CLEC4G: variants seen among roughly 807,000 people sequenced by gnomAD.
CLEC4G encodes C-type lectin superfamily 4, member G.
CLEC4G carries 34 observed loss-of-function variants against 37.0 expected under a neutral mutation model. The ratio of observed to expected loss-of-function variants is 0.92; its 90% CI spans 0.70 to 1.22. CLEC4G has a LOEUF of 1.22. Among genes scored for constraint, CLEC4G ranks in the 50% most tolerant of loss-of-function variants. CLEC4G has a pLI of 0.00. For missense variants in CLEC4G, 390 were observed against 392.9 expected, an observed-to-expected ratio of 0.99 and a Z score of 0.06; for synonymous variants, 167 against 165.6, an observed-to-expected ratio of 1.01 and a Z score of -0.06.
rs760415857 is a variant in CLEC4G at position 7,730,154 on chromosome 19, C to T, written c.492G>A (p.Pro164=). The T allele has an allele frequency of 1.2e-5, 19 of 1,612,416 alleles. 1 individual carries two copies. In the South Asian group the frequency reaches 1.5e-4, roughly 13 times the overall value. ...CGAAGGACAGCCACGACGTGGGGCA[C>T]GGCTCGCAGGAGTCTGCGGGGTGGC... is the stretch of plus-strand genomic sequence containing the variant. ...AVRLQNNSCE[P]CPTSWLSFEG... Residue 164 remains proline, a synonymous_variant, in exon 7 of 9, where the codon CCG becomes CCA. Coordinates refer to ENST00000328853, the MANE Select transcript of CLEC4G (RefSeq NM_198492.4). This position sits in a 1 kb window ranked among gnomAD's most constrained non-coding sequence, Gnocchi z 7.3.
At position 7,731,645 on chromosome 19, in the gene CLEC4G, A is replaced by G; in HGVS notation, c.166+16T>C. Reference sequence around the variant, plus strand: ...GGGGGGCCGGATGCAACACCTCCCCATTGAGAGTCACTCACCCTTGGACAA... The same window carrying G: ...GGGGGGCCGGATGCAACACCTCCCCGTTGAGAGTCACTCACCCTTGGACAA... On this transcript the variant is annotated intron_variant, in intron 2 of 8. Coordinates refer to ENST00000328853, the MANE Select transcript of CLEC4G (RefSeq NM_198492.4). 1 of 1,612,784 alleles carries G rather than the reference A, an allele frequency of 6.2e-7. No individual in the cohort carries two copies. Among genetic ancestry groups the G allele is most frequent in the Non-Finnish European group, 8.5e-7 (1 of 1,179,348 alleles).
rs752661320 is a variant in CLEC4G, at chr19:7,731,249, C to A, written c.220+17G>T. The A allele has an allele frequency of 8.8e-6, 14 of 1,584,086 alleles. No homozygotes were observed. Among genetic ancestry groups the A allele is most frequent in the Non-Finnish European group, 1.1e-5 (13 of 1,167,326 alleles). Reference sequence around the variant, plus strand: ...CCCTCACGCCCCGGGGGCCCAGGCGCCCGGCTCTGCACACACCGTTTGTCC... The same window carrying A: ...CCCTCACGCCCCGGGGGCCCAGGCGACCGGCTCTGCACACACCGTTTGTCC... On this transcript the variant is annotated intron_variant, in intron 3 of 8. Transcript: ENST00000328853.
At position 7,729,144 on chromosome 19, in the gene CLEC4G, T is replaced by C; in HGVS notation, c.*222A>G. ...GATTTTGGAGCTAGTGGAGGTTAGGTTGGGTCTGCGTGAGTGGAGTTAGGA... is the reference window on the plus strand; with the variant it reads ...GATTTTGGAGCTAGTGGAGGTTAGGCTGGGTCTGCGTGAGTGGAGTTAGGA... On this transcript the variant is annotated 3_prime_UTR_variant, in exon 9 of 9. Coordinates refer to ENST00000328853, the MANE Select transcript of CLEC4G (RefSeq NM_198492.4). The C allele has an allele frequency of 1.5e-6, 1 of 668,028 alleles. No individual in the cohort carries two copies. Among genetic ancestry groups the C allele is most frequent in the Non-Finnish European group, 2.8e-6 (1 of 361,890 alleles). The allele number at this position is 668,028 out of a possible 1,614,324, so 41.4% of individuals were successfully genotyped here.
chr19:7,730,849 C>A lies in CLEC4G; in HGVS notation c.294G>T (p.Thr98=). The A allele has an allele frequency of 6.5e-7, 1 of 1,529,836 alleles. No homozygotes were observed. The highest frequency in any genetic ancestry group is 1.2e-5 in the South Asian group (1 of 83,566). 94.8% of individuals were successfully genotyped at this position (1,529,836 alleles called of 1,614,324 possible). A position where few individuals can be genotyped will look rare whatever the true frequency, so the allele number is the denominator to read the frequency against. ...VGDCHSCCSG[T]QAQLQTTRAE... is the part of the protein sequence containing the mutation. The stretch of plus-strand genomic sequence containing the variant: ...CGCGCGTGGTCTGCAGCTGCGCCTG[C>A]GTCCCCGAGCCTGGGAGCCGCAGGG... The change falls in exon 5 of 9, where the codon ACG becomes ACT. Residue 98 remains threonine, a synonymous_variant. Coordinates refer to ENST00000328853, the MANE Select transcript of CLEC4G (RefSeq NM_198492.4). This position sits in a 1 kb window ranked among gnomAD's most constrained non-coding sequence, Gnocchi z 7.3.
chr19:7,731,597 G>A, intron 2 of CLEC4G, 64 bp downstream of exon 2: 1 of 1,583,126 alleles, frequency 6.3e-7, no homozygotes, highest in Non-Finnish European at 8.6e-7. Context: ...GGTGCGCCAT[G>A]CAGTGGGGGT....
Position 7,729,016 on chromosome 19 carries a change from A to G in CLEC4G, c.*350T>C. 1 of 391,928 alleles carries G rather than the reference A, an allele frequency of 2.6e-6. No individual in the cohort carries two copies. The highest frequency in any genetic ancestry group is 4.9e-6 in the Non-Finnish European group (1 of 202,982). 24.3% of individuals were successfully genotyped at this position (391,928 alleles called of 1,614,324 possible). On this transcript the variant is annotated 3_prime_UTR_variant, in exon 9 of 9. Transcript: ENST00000328853. ...TCCTCAGGCTGCAAAAACAGCTTCC[A>G]GTTTGGTGGAAAATGCGAGAAAACC... is the stretch of plus-strand genomic sequence containing the variant.
In CLEC4G at chr19:7,729,566, C is replaced by T. The variant is rs569901604; in HGVS notation, c.744-62G>A. 53 of 1,352,714 alleles carry T rather than the reference C, an allele frequency of 3.9e-5. 1 individual carries two copies. The South Asian group carries it at 6.3e-4, about 16-fold the overall frequency. The allele number at this position is 1,352,714 out of a possible 1,614,324, so 83.8% of individuals were successfully genotyped here. A position where few individuals can be genotyped will look rare whatever the true frequency, so the allele number is the denominator to read the frequency against. On this transcript the variant is annotated intron_variant, in intron 8 of 8. Coordinates refer to ENST00000328853, the MANE Select transcript of CLEC4G (RefSeq NM_198492.4). Reference sequence around the variant, plus strand: ...TAGACAGAGGATGAACTCGGGGTCCCGCCTTCCTCTTCAGGCTCTAGCCTG... The same window carrying T: ...TAGACAGAGGATGAACTCGGGGTCCTGCCTTCCTCTTCAGGCTCTAGCCTG...
chr19:7,731,951 C>T, intron 1 of CLEC4G, 97 bp downstream of exon 1: 1 of 1,457,454 alleles, frequency 6.9e-7, no homozygotes, highest in Non-Finnish European at 9.6e-7. Context: ...GGTGTCTCTC[C>T]TGCACCCACA....
rs1306333249 is a variant in CLEC4G, at chr19:7,729,090, G to A, written c.*276C>T. The A allele has an allele frequency of 3.5e-6, 2 of 574,428 alleles. No homozygotes were observed. The highest frequency in any genetic ancestry group is 6.6e-6 in the Non-Finnish European group (2 of 302,478). The allele number at this position is 574,428 out of a possible 1,614,324, so 35.6% of individuals were successfully genotyped here. A position where few individuals can be genotyped will look rare whatever the true frequency, so the allele number is the denominator to read the frequency against. On this transcript the variant is annotated 3_prime_UTR_variant, in exon 9 of 9. Transcript: ENST00000328853. ...CTAACCTTGGTTAGGGAGAGAAGTG[G>A]AGGCATATCACGGGGACGCAGGAGC...
Position 7,729,436 on chromosome 19 carries a change from C to G in CLEC4G, c.812G>C (p.Gly271Ala). ...RENCVMMLHT[G>A]LWNDAPCDSE... ...GTCACACGGTGCGTCGTTCCACAGC[C>G]CCGTGTGCAGCATCATGACACAGTT... Residue 271 changes from glycine (G) to alanine (A), a missense_variant, in exon 9 of 9, where the codon GGG becomes GCG. Gly to Ala is a moderately conservative substitution (Grantham distance 60). Transcript: ENST00000328853. The G allele has an allele frequency of 6.2e-7, 1 of 1,600,734 alleles. No individual in the cohort carries two copies. The highest frequency in any genetic ancestry group is 8.6e-7 in the Non-Finnish European group (1 of 1,167,942).
Position 7,730,151 on chromosome 19 carries a change from G to A in CLEC4G, c.495C>T (p.Cys165=). ...CCTCGAAGGACAGCCACGACGTGGG[G>A]CACGGCTCGCAGGAGTCTGCGGGGT... ...VRLQNNSCEP[C]PTSWLSFEGS... The change falls in exon 7 of 9, where the codon TGC becomes TGT. Residue 165 remains cysteine (C), a synonymous_variant. Coordinates refer to ENST00000328853, the MANE Select transcript of CLEC4G (RefSeq NM_198492.4). This position sits in a 1 kb window ranked among gnomAD's most constrained non-coding sequence, Gnocchi z 7.3. The A allele has an allele frequency of 6.2e-7, 1 of 1,612,522 alleles. No homozygotes were observed. Among genetic ancestry groups the A allele is most frequent in the Non-Finnish European group, 8.5e-7 (1 of 1,179,562 alleles).
In CLEC4G at chr19:7,730,156, G is replaced by T; in HGVS notation, c.490C>A (p.Pro164Thr). The change falls in exon 7 of 9, where the codon CCG becomes ACG. Residue 164 changes from proline (P) to threonine (T), a missense_variant. Transcript: ENST00000328853. This position sits in a 1 kb window ranked among gnomAD's most constrained non-coding sequence, Gnocchi z 7.3. ...AVRLQNNSCE[P>T]CPTSWLSFEG... The stretch of plus-strand genomic sequence containing the variant: ...AAGGACAGCCACGACGTGGGGCACG[G>T]CTCGCAGGAGTCTGCGGGGTGGCGA... 1 of 1,612,258 alleles carries T rather than the reference G, an allele frequency of 6.2e-7. No homozygotes were observed. The highest frequency in any genetic ancestry group is 2.2e-5 in the East Asian group (1 of 44,814).
rs982002488 is a variant in CLEC4G at position 7,731,711 on chromosome 19, A to C, written c.116T>G (p.Leu39Arg). ...CACAGCCCAAAGGACTGTGGTGACC[A>C]GGACAGCCAGGGCCAAGAAGAGGGG... ...RRPLFLALAV[L>R]VTTVLWAVIL... Residue 39 changes from leucine (L) to arginine (R), a missense_variant, in exon 2 of 9, where the codon CTG becomes CGG. Physicochemically the swap from Leu to Arg is moderately radical, Grantham distance 102 (BLOSUM62 -2). Transcript: ENST00000328853. 6.2e-7 allele frequency: 1 copy of C among 1,613,996 alleles called. No homozygotes were observed. The highest frequency in any genetic ancestry group is 8.5e-7 in the Non-Finnish European group (1 of 1,179,996).
chr19:7,729,588 C>T, intron 8 of CLEC4G, 84 bp from the exon 9 acceptor site: 7 of 1,244,084 alleles, frequency 5.6e-6, no homozygotes, highest in Non-Finnish European at 7.9e-6. Context: ...CAGGCTCTAG[C>T]CTGTTTATTG....
rs2033412802 is a variant in CLEC4G at position 7,730,505 on chromosome 19, TA to T, written c.389-66del. ...GGCCAGGACCAGGGTCATGACTAGC[TA>T]AAGGTCAGGACCCCTGTCTGTGGTC... On this transcript the variant is annotated intron_variant, in intron 5 of 8. Coordinates refer to ENST00000328853, the MANE Select transcript of CLEC4G (RefSeq NM_198492.4). The surrounding 1 kb of genome is among the most constrained non-coding windows in gnomAD (Gnocchi z 7.3). The T allele has an allele frequency of 2.5e-6, 4 of 1,574,348 alleles. No homozygotes were observed. The highest frequency in any genetic ancestry group is 1.8e-5 in the Admixed American group (1 of 56,300).
Position 7,731,076 on chromosome 19 carries a change from G to A in CLEC4G, c.233C>T (p.Thr78Met). The A allele has an allele frequency of 1.9e-6, 3 of 1,605,292 alleles. No individual in the cohort carries two copies. The highest frequency in any genetic ancestry group is 1.7e-6 in the Non-Finnish European group (2 of 1,179,386). ...DLLRTNASKQTAALGALKEEV... is the reference protein window; with the variant it reads ...DLLRTNASKQMAALGALKEEV... Reference sequence around the variant, plus strand: ...CTCCTTCAGGGCACCCAGCGCCGCCGTCTGCTTCGAGGCTGGAACGACCCC... The same window carrying A: ...CTCCTTCAGGGCACCCAGCGCCGCCATCTGCTTCGAGGCTGGAACGACCCC... Residue 78 changes from threonine (T) to methionine (M), a missense_variant, in exon 4 of 9, where the codon ACG (threonine) becomes ATG (methionine). By Grantham distance (81) the Thr-to-Met change is moderately conservative. Transcript: ENST00000328853.
Position 7,730,027 on chromosome 19 carries a change from C to T in CLEC4G, c.619G>A (p.Asp207Asn). The T allele has an allele frequency of 5.0e-6, 8 of 1,599,528 alleles. No homozygotes were observed. The highest frequency in any genetic ancestry group is 6.8e-6 in the Non-Finnish European group (8 of 1,174,988). Residue 207 changes from aspartate to asparagine, a missense_variant, in exon 7 of 9, where the codon GAT (aspartate) becomes AAT (asparagine). Asp to Asn is a conservative substitution (Grantham distance 23, BLOSUM62 1). Coordinates refer to ENST00000328853, the MANE Select transcript of CLEC4G (RefSeq NM_198492.4). This position sits in a 1 kb window ranked among gnomAD's most constrained non-coding sequence, Gnocchi z 7.3. ...SAHLVIVGGL[D>N]EQGFLTRNTR... ...CCCCTCCCCCTGCGCACCTGCTCAT[C>T]CAGGCCCCCAACGATCACCAGGTGC...
Position 7,731,468 on chromosome 19 carries a change from C to T in CLEC4G, c.167-149G>A, listed in dbSNP as rs566956006. On this transcript the variant is annotated intron_variant, in intron 2 of 8. Transcript: ENST00000328853. Reference sequence around the variant, plus strand: ...TGCACACACGCCGATGGGAGACAAACGCGCGGGGACTCGCGCACATACGAG... The same window carrying T: ...TGCACACACGCCGATGGGAGACAAATGCGCGGGGACTCGCGCACATACGAG... 1.2e-5 allele frequency: 18 copies of T among 1,473,534 alleles called. No individual in the cohort carries two copies. The African/African-American group carries it at 2.1e-4, about 17-fold the overall frequency. The allele number at this position is 1,473,534 out of a possible 1,614,324, so 91.3% of individuals were successfully genotyped here.
At chr19:7,731,233 C>T (rs761594132) in intron 3 of CLEC4G, 33 bp downstream of exon 3, 19 of 1,580,966 alleles carry the variant, frequency 1.2e-5, no homozygotes, top group African/African-American at 9.4e-5. Context: ...CCCCTCACGC[C>T]CCGGGGGCCC....
Sources: allele counts gnomAD v4.1 joint callset, GRCh38; gene constraint gnomAD v4.1.1; non-coding constraint Gnocchi (gnomAD v3.1); transcripts MANE v1.5; gene names NCBI Gene and HGNC (gene_info 2026-07-23, HGNC 2026-07-21).